The following SLC8A3 variants were observed in gnomAD, a reference collection of about 807,000 sequenced individuals.
The protein encoded by SLC8A3 is sodium/calcium exchanger 3.
SLC8A3 carries 37 observed loss-of-function variants against 65.4 expected under a neutral mutation model. That is an observed-to-expected ratio of 0.57 (90% CI 0.44 to 0.74). The LOEUF is 0.74. SLC8A3 is among the 30% of genes least tolerant of loss of function. The pLI is 0.00. For synonymous variants in SLC8A3, 461 were observed against 444.5 expected (o/e 1.04, Z -0.47); for missense variants, 1,112 against 1,172.1 (o/e 0.95, Z 0.75).
chr14:70,162,253 C>T (rs1294220496), intron 2 of SLC8A3, among the ~76,000 whole-genome samples: 1 of 152,166 alleles, frequency 6.6e-6, no homozygotes. Flanking sequence ...TGGGAAAGGG[C>T]AGAGAGAACA....
chr14:70,087,141 C>G (rs1318374517), intron 2 of SLC8A3, among the ~76,000 whole-genome samples: 1 of 152,228 alleles, frequency 6.6e-6, no homozygotes, highest in East Asian at 1.9e-4. Flanking sequence ...GCTACAATTG[C>G]CCAAAGGGAA....
intron 2 of SLC8A3, among the ~76,000 whole-genome samples, chr14:70,141,295 C>T (rs1274105415): frequency 6.6e-6 from 1 of 152,132 alleles, no homozygotes; most frequent in African/African-American, 2.4e-5. Flanking sequence ...TTAGACCTTG[C>T]TGCAAAGATA....
chr14:70,145,811 C>G (rs1211273993), intron 2 of SLC8A3, among the ~76,000 whole-genome samples: 2 of 152,172 alleles, frequency 1.3e-5, no homozygotes, highest in Non-Finnish European at 2.9e-5. Context: ...ACAGCTGTTG[C>G]TGTTGTGGAC....
At chr14:70,168,786 A>G (rs1023024006) in intron 1 of SLC8A3, among the ~76,000 whole-genome samples, 5 of 152,238 alleles carry the variant, frequency 3.3e-5, no homozygotes, top group African/African-American at 4.8e-5. Context: ...AGAGTTCTCA[A>G]GAAGCAACTT....
intron 1 of SLC8A3, among the ~76,000 whole-genome samples, chr14:70,181,297 G>C (rs910023415): frequency 6.6e-6 from 1 of 152,110 alleles, no homozygotes; most frequent in African/African-American, 2.4e-5. Context: ...TTAGGAAATA[G>C]TATAGATCCC....
chr14:70,185,166 C>A (rs1426217252), intron 1 of SLC8A3, among the ~76,000 whole-genome samples: 1 of 152,110 alleles, frequency 6.6e-6, no homozygotes. Flanking sequence ...GGGATTTCAC[C>A]ATGTTGGCAA....
At chr14:70,169,644 T>G (rs1897371299) in intron 1 of SLC8A3, among the ~76,000 whole-genome samples, 1 of 113,212 alleles carries the variant, frequency 8.8e-6, no homozygotes, top group Non-Finnish European at 1.7e-5. Context: ...CTCATTTGGG[T>G]GGGATGAGAA....
At chr14:70,059,705 T>G (rs910286800) in intron 3 of SLC8A3, among the ~76,000 whole-genome samples, 5 of 152,162 alleles carry the variant, frequency 3.3e-5, no homozygotes, top group African/African-American at 1.2e-4. Context: ...GAGGGCTATC[T>G]TGGGATCTGG....
At chr14:70,071,517 T>C (rs946308653) in intron 2 of SLC8A3, among the ~76,000 whole-genome samples, 13 of 152,190 alleles carry the variant, frequency 8.5e-5, no homozygotes, top group Admixed American at 6.6e-4. Context: ...GAGTGGTCCC[T>C]GGATGACAGC....
At chr14:70,068,987 G>A (rs1027325920) in intron 2 of SLC8A3, among the ~76,000 whole-genome samples, 1 of 152,142 alleles carries the variant, frequency 6.6e-6, no homozygotes, top group Non-Finnish European at 1.5e-5. Flanking sequence ...CAAGGTGCTG[G>A]GATTATAGGT....
intron 2 of SLC8A3, among the ~76,000 whole-genome samples, chr14:70,088,878 T>C (rs1270983413): frequency 6.6e-6 from 1 of 152,204 alleles, no homozygotes; most frequent in African/African-American, 2.4e-5. Context: ...CCTGTTCTTT[T>C]TACCTACTTC....
intron 3 of SLC8A3, among the ~76,000 whole-genome samples, chr14:70,059,907 G>C (rs1888588820): frequency 6.6e-6 from 1 of 152,108 alleles, no homozygotes; most frequent in Admixed American, 6.5e-5. Flanking sequence ...TTCATACCTG[G>C]AACTATTTCC....
chr14:70,045,840 A>C lies in SLC8A3; in HGVS notation c.*107T>G, dbSNP rs971286659. 1.5e-5 allele frequency: 18 copies of C among 1,168,678 alleles called. No homozygotes were observed. Among genetic ancestry groups the C allele is most frequent in the Non-Finnish European group, 1.9e-5 (16 of 849,812 alleles). The allele number at this position is 1,168,678 out of a possible 1,614,324, so 72.4% of individuals were successfully genotyped here. On this transcript the variant is annotated 3_prime_UTR_variant, in exon 7 of 7. Coordinates refer to ENST00000356921, the MANE Select transcript of SLC8A3 (RefSeq NM_182932.3). ...TGAAGTTCCTGGGGCTTAGGTCCTG[A>C]TGCTGCCTCTCCAGGGCAGTGCAGT...
At chr14:70,183,722 C>T (rs1485696708) in intron 1 of SLC8A3, among the ~76,000 whole-genome samples, 1 of 152,224 alleles carries the variant, frequency 6.6e-6, no homozygotes, top group Non-Finnish European at 1.5e-5. Context: ...AGAGGTCAGG[C>T]TGGCAGGACC....
intron 1 of SLC8A3, among the ~76,000 whole-genome samples, chr14:70,182,983 G>A (rs1482900903): frequency 6.6e-5 from 10 of 152,196 alleles, no homozygotes; most frequent in African/African-American, 1.9e-4. Context: ...GAGGAACCCA[G>A]TGGAGAAATC....
chr14:70,073,946 T>C (rs1008851321), intron 2 of SLC8A3, among the ~76,000 whole-genome samples: 2 of 152,120 alleles, frequency 1.3e-5, no homozygotes, highest in East Asian at 3.9e-4. Context: ...AAATAGCAAA[T>C]CCAGGAAAGA....
At chr14:70,185,250 A>G (rs1490450728) in intron 1 of SLC8A3, among the ~76,000 whole-genome samples, 3 of 152,190 alleles carry the variant, frequency 2.0e-5, no homozygotes, top group Admixed American at 1.3e-4. Flanking sequence ...TACAGGCGTG[A>G]GCCACCACGC....
chr14:70,082,654 C>T (rs1284001320), intron 2 of SLC8A3, among the ~76,000 whole-genome samples: 1 of 152,180 alleles, frequency 6.6e-6, no homozygotes, highest in Non-Finnish European at 1.5e-5. Context: ...TGTCTTCTCT[C>T]ACCTTGCCCT....
At chr14:70,106,407 T>C (rs1366081745) in intron 2 of SLC8A3, among the ~76,000 whole-genome samples, 1 of 152,146 alleles carries the variant, frequency 6.6e-6, no homozygotes, top group Non-Finnish European at 1.5e-5. Flanking sequence ...CTAAGTTTTA[T>C]TGTAACAGAA....
Sources: gnomAD v4.1 joint callset for allele counts (sites outside exome capture counted in the v4.1 genomes callset) on GRCh38, gnomAD v4.1.1 for gene constraint, MANE v1.5 for transcripts, NCBI Gene and HGNC (gene_info 2026-07-23, HGNC 2026-07-21) for gene names.